Variants in HESX1 observed in about 807,000 individuals in gnomAD.
The protein encoded by HESX1 is homeobox expressed in ES cells 1.
In HESX1, 11 loss-of-function variants were observed where a neutral mutation model predicts 22.5. That is an observed-to-expected ratio of 0.49 (90% CI 0.31 to 0.81). The LOEUF is 0.81. Ranked by LOEUF, HESX1 falls within the 30% of genes least tolerant of loss-of-function variation. HESX1 has a pLI of 0.05. For synonymous variants in HESX1, 74 were observed against 76.5 expected (o/e 0.97, Z 0.17); for missense variants, 201 against 212.6 (o/e 0.95, Z 0.34).
At chr3:57,207,406 TTC>T (rs1347291644) in intron 1 of HESX1, among the ~76,000 whole-genome samples, 2 of 152,204 alleles carry the variant, frequency 1.3e-5, no homozygotes, top group Non-Finnish European at 2.9e-5. Context: ...CCCCTCTGTG[TTC>T]CCATTTTCTC....
chr3:57,219,440 T>G (rs1017136422), intron 1 of HESX1, among the ~76,000 whole-genome samples: 1 of 151,990 alleles, frequency 6.6e-6, no homozygotes, highest in African/African-American at 2.4e-5. Context: ...TGGTCTTGGC[T>G]CACTGCAAGC....
exon 1 of HESX1, chr3:57,226,403 C>T (rs1239147888): frequency 6.6e-6 from 1 of 152,100 alleles, no homozygotes; most frequent in Non-Finnish European, 1.5e-5. Flanking sequence ...GAACCCTTAA[C>T]TCATTGTAAG....
upstream of HESX1, among the ~76,000 whole-genome samples, chr3:57,200,606 C>G (rs1245762295): frequency 5.9e-5 from 9 of 152,294 alleles, 1 homozygote; most frequent in South Asian, 1.7e-3. Flanking sequence ...TTCATAGGAA[C>G]AGTTGCACCA....
intron 1 of HESX1, among the ~76,000 whole-genome samples, chr3:57,205,402 T>TCAAA (rs2060514497): frequency 6.6e-6 from 1 of 152,234 alleles, no homozygotes; most frequent in East Asian, 1.9e-4. Flanking sequence ...AGACCCTGTC[T>TCAAA]CAAACAAACA....
At chr3:57,211,829 T>C (rs1484796332) in intron 1 of HESX1, among the ~76,000 whole-genome samples, 1 of 150,166 alleles carries the variant, frequency 6.7e-6, no homozygotes, top group Non-Finnish European at 1.5e-5. Context: ...TGAGACGCCA[T>C]CTCAAAAAAA....
chr3:57,209,269 A>G (rs1003235219), intron 1 of HESX1, among the ~76,000 whole-genome samples: 1 of 152,242 alleles, frequency 6.6e-6, no homozygotes, highest in Admixed American at 6.5e-5. Context: ...TCCAAACAGA[A>G]TAACACAGAC....
At chr3:57,212,775 G>A (rs2060562817) in intron 1 of HESX1, among the ~76,000 whole-genome samples, 1 of 152,048 alleles carries the variant, frequency 6.6e-6, no homozygotes, top group South Asian at 2.1e-4. Flanking sequence ...GACTTAAATA[G>A]GAGGATGCAC....
chr3:57,199,775 G>A lies in HESX1; in HGVS notation c.144C>T (p.Thr48=), dbSNP rs1444711597. 6.2e-7 allele frequency: 1 copy of A among 1,614,158 alleles called. No homozygotes were observed. The highest frequency in any genetic ancestry group is 8.5e-7 in the Non-Finnish European group (1 of 1,180,008). ...GCTGTGGCATACCTGATGAGCTGCA[G>A]GTGTCTGCCCAGGGCCTGTGGGGTT... ...LMKPHRPWAD[T]CSSSGKDGNL... The change falls in exon 1 of 4, where the codon ACC becomes ACT. Residue 48 remains threonine (T), a synonymous_variant. Coordinates refer to ENST00000295934, the MANE Select transcript of HESX1 (RefSeq NM_003865.3).
chr3:57,201,823 A>G (rs183743224), upstream of HESX1, among the ~76,000 whole-genome samples: 25 of 152,122 alleles, frequency 1.6e-4, no homozygotes, highest in East Asian at 3.5e-3. Flanking sequence ...CAATATTTTT[A>G]TTCAGCTTAA....
upstream of HESX1, among the ~76,000 whole-genome samples, chr3:57,202,839 G>A (rs531866724): frequency 6.6e-6 from 1 of 152,318 alleles, no homozygotes; most frequent in African/African-American, 2.4e-5. Context: ...AGGGCCTAAG[G>A]AAGTGACATT....
At chr3:57,224,295 A>T (rs1033547305) in intron 1 of HESX1, among the ~76,000 whole-genome samples, 1 of 152,072 alleles carries the variant, frequency 6.6e-6, no homozygotes, top group Non-Finnish European at 1.5e-5. Flanking sequence ...ATTTTTTAAA[A>T]TTTTAATTTA....
chr3:57,214,504 G>C (rs971873724), intron 1 of HESX1, among the ~76,000 whole-genome samples: 3 of 152,156 alleles, frequency 2.0e-5, no homozygotes, highest in Non-Finnish European at 4.4e-5. Context: ...GCTCTTCTTA[G>C]CTATGTGACT....
chr3:57,227,360 TATC>T (rs1198574448), upstream of HESX1, among the ~76,000 whole-genome samples: 4 of 152,176 alleles, frequency 2.6e-5, no homozygotes, highest in Non-Finnish European at 5.9e-5. Flanking sequence ...TTGGGAATGT[TATC>T]ATCTGAGGAA....
At chr3:57,208,922 T>G (rs1005076017) in intron 1 of HESX1, among the ~76,000 whole-genome samples, 1 of 151,534 alleles carries the variant, frequency 6.6e-6, no homozygotes, top group African/African-American at 2.4e-5. Context: ...ATCATGCCAC[T>G]GCACTCCAGC....
At chr3:57,214,230 A>G (rs1366901224) in intron 1 of HESX1, among the ~76,000 whole-genome samples, 1 of 152,228 alleles carries the variant, frequency 6.6e-6, no homozygotes, top group East Asian at 1.9e-4. Context: ...AGGTATTGCA[A>G]AATGTTGATG....
upstream of HESX1, among the ~76,000 whole-genome samples, chr3:57,200,535 T>G (rs910601701): frequency 2.0e-5 from 3 of 152,212 alleles, no homozygotes; most frequent in Non-Finnish European, 4.4e-5. Flanking sequence ...TGCAGCATAG[T>G]GGAAAAGGTT....
upstream of HESX1, among the ~76,000 whole-genome samples, chr3:57,204,160 T>C (rs1282837509): frequency 6.6e-6 from 1 of 152,228 alleles, no homozygotes; most frequent in Non-Finnish European, 1.5e-5. Context: ...TTTAAGCCAC[T>C]GAAGTTTTTT....
chr3:57,216,297 T>C (rs1338135906), intron 1 of HESX1, among the ~76,000 whole-genome samples: 4 of 152,166 alleles, frequency 2.6e-5, no homozygotes, highest in Non-Finnish European at 5.9e-5. Flanking sequence ...TCAGCTACTT[T>C]GTAGAATGTC....
At chr3:57,214,776 A>G (rs1347379768) in intron 1 of HESX1, among the ~76,000 whole-genome samples, 2 of 152,210 alleles carry the variant, frequency 1.3e-5, no homozygotes, top group African/African-American at 4.8e-5. Context: ...CATAAGGCCC[A>G]TCAGAGACAG....
Sources: gnomAD v4.1 joint callset for allele counts (sites outside exome capture counted in the v4.1 genomes callset) on GRCh38, gnomAD v4.1.1 for gene constraint, MANE v1.5 for transcripts, NCBI Gene and HGNC (gene_info 2026-07-23, HGNC 2026-07-21) for gene names.